The following TUSC3 variants were observed in gnomAD, a reference collection of about 807,000 sequenced individuals.
TUSC3 encodes tumor suppressor candidate 3, also known as dolichyl-diphosphooligosaccharide--protein glycosyltransferase subunit TUSC3.
Under a neutral mutation model 44.8 loss-of-function variants are expected in TUSC3, and 45 were observed. The ratio of observed to expected loss-of-function variants is 1.00; its 90% CI spans 0.79 to 1.29. TUSC3 has a LOEUF of 1.29. Among genes scored for constraint, TUSC3 ranks in the 50% most tolerant of loss-of-function variants. The probability of loss-of-function intolerance (pLI) is 0.00; values close to 1 mark genes in which losing one functional copy is unlikely to be tolerated. For synonymous variants in TUSC3, 212 were observed against 152.9 expected (o/e 1.39, Z -2.85); for missense variants, 519 against 437.9 (o/e 1.19, Z -1.65).
At chr8:15,499,366 C>G (rs1390804486) in intron 2 of TUSC3, among the ~76,000 whole-genome samples, 1 of 152,206 alleles carries the variant, frequency 6.6e-6, no homozygotes, top group East Asian at 1.9e-4. Context: ...TTAACATCAT[C>G]AAATCAAATC....
intron 1 of TUSC3, among the ~76,000 whole-genome samples, chr8:15,621,858 C>T (rs1483259308): frequency 1.3e-5 from 2 of 151,216 alleles, no homozygotes; most frequent in Non-Finnish European, 2.9e-5. Flanking sequence ...TCTGAATGTT[C>T]TCTCTCTGCA....
At chr8:15,428,700 T>C (rs1201106990) in intron 1 of TUSC3, among the ~76,000 whole-genome samples, 1 of 152,224 alleles carries the variant, frequency 6.6e-6, no homozygotes, top group Non-Finnish European at 1.5e-5. Flanking sequence ...TGGTTTTGAT[T>C]TGCATTTCTG....
At chr8:15,599,171 C>G (rs145281441) in intron 1 of TUSC3, among the ~76,000 whole-genome samples, 10 of 151,710 alleles carry the variant, frequency 6.6e-5, no homozygotes, top group African/African-American at 2.4e-4. Flanking sequence ...TTGCATTTCC[C>G]GATGACATGT....
chr8:15,818,959 C>G, the TUSC3 span, among the ~76,000 whole-genome samples: 1 of 152,106 alleles, frequency 6.6e-6, no homozygotes, highest in South Asian at 2.1e-4. Context: ...TGCAGTGGTT[C>G]ACACCTATAC....
chr8:15,454,715 C>G (rs904213464), intron 1 of TUSC3, among the ~76,000 whole-genome samples: 1 of 152,108 alleles, frequency 6.6e-6, no homozygotes, highest in Non-Finnish European at 1.5e-5. Context: ...TCATTTTAAT[C>G]AGGACCTAAT....
intron 7 of TUSC3, among the ~76,000 whole-genome samples, chr8:15,732,624 A>G (rs2129208982): frequency 6.6e-6 from 1 of 152,292 alleles, no homozygotes; most frequent in South Asian, 2.1e-4. Flanking sequence ...AAATGTAAAC[A>G]TTGAAATGAC....
intron 1 of TUSC3, among the ~76,000 whole-genome samples, chr8:15,577,337 T>G (rs909989359): frequency 1.3e-5 from 2 of 151,892 alleles, no homozygotes; most frequent in African/African-American, 4.8e-5. Context: ...TTTGTCAATT[T>G]TGGCTTTTGT....
the TUSC3 span, among the ~76,000 whole-genome samples, chr8:15,842,842 T>C: frequency 1.3e-4 from 20 of 152,234 alleles, no homozygotes; most frequent in African/African-American, 3.1e-4. Flanking sequence ...TTCACTGTTT[T>C]AGCTTTCACG....
intron 1 of TUSC3, among the ~76,000 whole-genome samples, chr8:15,455,826 G>T (rs1241839996): frequency 6.6e-6 from 1 of 152,144 alleles, no homozygotes; most frequent in East Asian, 1.9e-4. Flanking sequence ...CCAAAACTCA[G>T]CCATTTTCAT....
At chr8:15,684,057 G>A (rs374685877) in intron 6 of TUSC3, among the ~76,000 whole-genome samples, 3 of 150,696 alleles carry the variant, frequency 2.0e-5, no homozygotes, top group Non-Finnish European at 3.0e-5. Context: ...GATCTTAGTC[G>A]TGCTCTCCAC....
At chr8:15,685,855 T>A (rs1241955344) in intron 6 of TUSC3, among the ~76,000 whole-genome samples, 1 of 138,250 alleles carries the variant, frequency 7.2e-6, no homozygotes, top group African/African-American at 2.6e-5. Flanking sequence ...ATTTAGTTCT[T>A]AGGTTTTTTT....
At chr8:15,485,470 T>TC (rs200473991) in intron 2 of TUSC3, among the ~76,000 whole-genome samples, 23,093 of 150,240 alleles carry the variant, frequency 0.15, 2,097 homozygotes, top group Middle Eastern at 0.22. Context: ...TTGTCTTTTT[T>TC]TTTTTGTTTT....
intron 1 of TUSC3, among the ~76,000 whole-genome samples, chr8:15,541,600 T>G (rs1241963888): frequency 6.6e-6 from 1 of 152,160 alleles, no homozygotes; most frequent in Non-Finnish European, 1.5e-5. Context: ...AAACAAATAT[T>G]GTGTGTTCAA....
chr8:15,557,032 G>C (rs1302461143), intron 1 of TUSC3, among the ~76,000 whole-genome samples: 1 of 133,260 alleles, frequency 7.5e-6, no homozygotes, highest in African/African-American at 2.8e-5. Context: ...GTCAATTTTG[G>C]CTTTTGTTGC....
intron 1 of TUSC3, among the ~76,000 whole-genome samples, chr8:15,457,597 G>C (rs2129121314): frequency 6.6e-6 from 1 of 150,656 alleles, no homozygotes; most frequent in South Asian, 2.1e-4. Flanking sequence ...GTATTACAGT[G>C]TTCATAGCAG....
chr8:15,437,090 A>T (rs571896573), intron 1 of TUSC3, among the ~76,000 whole-genome samples: 2 of 152,298 alleles, frequency 1.3e-5, no homozygotes, highest in South Asian at 4.1e-4. Context: ...TTTTGAGTCA[A>T]ATTAAGATAT....
intron 9 of TUSC3, chr8:15,748,715 G>C (rs1193266598): frequency 4.8e-6 from 3 of 627,964 alleles, no homozygotes; most frequent in East Asian, 3.6e-5. Context: ...TAACAAATGA[G>C]GTTTAAGCTC....
the TUSC3 span, among the ~76,000 whole-genome samples, chr8:15,832,400 A>G: frequency 6.6e-6 from 1 of 152,168 alleles, no homozygotes; most frequent in Non-Finnish European, 1.5e-5. Flanking sequence ...ACCAGCTAAC[A>G]TCATGATGAC....
chr8:15,799,330 A>T, the TUSC3 span, among the ~76,000 whole-genome samples: 2 of 152,126 alleles, frequency 1.3e-5, no homozygotes, highest in Non-Finnish European at 1.5e-5. Flanking sequence ...TCCTCCTTTC[A>T]CACTCAGTAT....
Sources: allele counts gnomAD v4.1 joint callset (sites outside exome capture counted in the v4.1 genomes callset), GRCh38; gene constraint gnomAD v4.1.1; transcripts MANE v1.5; gene names NCBI Gene and HGNC (gene_info 2026-07-23, HGNC 2026-07-21).